FER1L5: variants seen among roughly 807,000 people sequenced by gnomAD.
FER1L5 encodes the protein fer-1-like protein 5.
Under a neutral mutation model 279.9 loss-of-function variants are expected in FER1L5, and 187 were observed. The observed-to-expected ratio is 0.67, with a 90% CI of 0.59 to 0.75. The LOEUF is 0.75. FER1L5 is among the 30% of genes least tolerant of loss of function. The pLI, the probability that FER1L5 is intolerant of heterozygous loss-of-function variation, is 0.00. For synonymous variants in FER1L5, 921 were observed against 989.7 expected, an observed-to-expected ratio of 0.93 and a Z score of 1.30; for missense variants, 2,091 against 2,594.4, an observed-to-expected ratio of 0.81 and a Z score of 4.21.
intron 5 of FER1L5, 146 bp from the exon 6 acceptor site, chr2:96,650,034 G>C: frequency 3.0e-6 from 2 of 665,136 alleles, no homozygotes; most frequent in Non-Finnish European, 2.7e-6. Context: ...TAATGTTCTG[G>C]GGAGGACATA....
rs2077175719 is a variant in FER1L5 at position 96,692,086 on chromosome 2, T to G, written c.3215-18T>G. ...GGGGTCCTGGGGCAGGTGACAGGCATGGCTTCTCTTTCCCCAGAGCCCCAC... is the reference window on the plus strand; with the variant it reads ...GGGGTCCTGGGGCAGGTGACAGGCAGGGCTTCTCTTTCCCCAGAGCCCCAC... On this transcript the variant is annotated intron_variant, in intron 30 of 52. Coordinates refer to ENST00000624922, the MANE Select transcript of FER1L5 (RefSeq NM_001293083.2). The G allele has an allele frequency of 6.4e-7, 1 of 1,550,524 alleles. No homozygotes were observed.
At chr2:96,659,290 T>TTTCCTTCCTTCCCTCCTTCC (rs2075735258) in intron 9 of FER1L5, among the ~76,000 whole-genome samples, 3 of 80,942 alleles carry the variant, frequency 3.7e-5, no homozygotes, top group Non-Finnish European at 8.1e-5. Context: ...TTTATCAAGC[T>TTTCCTTCCTTCCCTCCTTCC]TTCCTTCCTT....
At chr2:96,688,333 G>C (rs1386137983) in intron 24 of FER1L5, among the ~76,000 whole-genome samples, 1 of 152,170 alleles carries the variant, frequency 6.6e-6, no homozygotes, top group Non-Finnish European at 1.5e-5. Context: ...TGACTTGCAG[G>C]GGCCTCACCC....
At chr2:96,697,458 T>C in intron 37 of FER1L5, 68 bp from the exon 38 acceptor site, 3 of 1,561,716 alleles carry the variant, frequency 1.9e-6, no homozygotes, top group Non-Finnish European at 2.6e-6. Context: ...TCAACCCCCC[T>C]CTCCTCTCTG....
rs758949736 is a variant in FER1L5, at chr2:96,700,096, C to CA, written c.4930+17dup. 6.2e-7 allele frequency: 1 copy of CA among 1,613,446 alleles called. No individual in the cohort carries two copies. The highest frequency in any genetic ancestry group is 1.1e-5 in the South Asian group (1 of 90,994). ...CAAAGCTTTGGTGAGCAGCGCAGAA[C>CA]ACTAGCAGAAAGCACAGACACAGGC... On this transcript the variant is annotated intron_variant, in intron 44 of 52. Transcript: ENST00000624922.
Position 96,702,234 on chromosome 2 carries a change from C to T in FER1L5, c.5160-72C>T. Reference sequence around the variant, plus strand: ...AAAACACACAGGGCAGCCTCCCAGGCTTCTCTGCCCTCACTGAGGCTGCAG... The same window carrying T: ...AAAACACACAGGGCAGCCTCCCAGGTTTCTCTGCCCTCACTGAGGCTGCAG... On this transcript the variant is annotated intron_variant, in intron 46 of 52. Transcript: ENST00000624922. The surrounding 1 kb of genome is among the most constrained non-coding windows in gnomAD (Gnocchi z 4.0). 6.3e-7 allele frequency: 1 copy of T among 1,576,138 alleles called. No individual in the cohort carries two copies. Among genetic ancestry groups the T allele is most frequent in the Non-Finnish European group, 8.6e-7 (1 of 1,161,356 alleles).
At position 96,690,497 on chromosome 2, in the gene FER1L5, C is replaced by A; in HGVS notation, c.2651C>A (p.Pro884His). ...AIPNTDVNGQPMEARENVKCP... is the reference protein window; with the variant it reads ...AIPNTDVNGQHMEARENVKCP... ...TCTGTCCACCTGCAGAATGGACAGC[C>A]CATGGAGGCCCGGGAGAACGTGAAG... The change falls in exon 27 of 53, where the codon CCC becomes CAC. Residue 884 changes from proline to histidine, a missense_variant. By Grantham distance (77) the Pro-to-His change is moderately conservative. Coordinates refer to ENST00000624922, the MANE Select transcript of FER1L5 (RefSeq NM_001293083.2). 1 of 1,551,542 alleles carries A rather than the reference C, an allele frequency of 6.4e-7. No individual in the cohort carries two copies. The highest frequency in any genetic ancestry group is 8.7e-7 in the Non-Finnish European group (1 of 1,146,988).
intron 18 of FER1L5, among the ~76,000 whole-genome samples, chr2:96,672,038 C>T (rs1173071427): frequency 1.3e-5 from 2 of 151,936 alleles, no homozygotes; most frequent in Admixed American, 6.6e-5. Context: ...AGTTTGAGAC[C>T]AGCCTGGGTA....
chr2:96,700,347 CTG>C lies in FER1L5; in HGVS notation c.4948_4949del (p.Val1650SerfsTer23). The C allele has an allele frequency of 6.2e-7, 1 of 1,613,446 alleles. No homozygotes were observed. The highest frequency in any genetic ancestry group is 8.5e-7 in the Non-Finnish European group (1 of 1,179,872). On this transcript the variant is annotated frameshift_variant, in exon 45 of 53. Transcript: ENST00000624922. LOFTEE classifies it high-confidence loss of function. ...TCCAATCCAGAGCCCAAAACCCCTA[CTG>C]TTCATGGTTTGGGACCCAAGAAGGA... is the stretch of plus-strand genomic sequence containing the variant.
chr2:96,668,716 G>A (rs2106561803), intron 14 of FER1L5, 35 bp from the exon 15 acceptor site: 7 of 1,551,038 alleles, frequency 4.5e-6, no homozygotes, highest in Non-Finnish European at 6.1e-6. Flanking sequence ...CCATCCCAAT[G>A]TGTACCCACC....
chr2:96,661,773 G>T lies in FER1L5; in HGVS notation c.1000G>T (p.Ala334Ser), dbSNP rs867002330. ...MAYLQLFIYCAEDLHLKKHQS... is the reference protein window; with the variant it reads ...MAYLQLFIYCSEDLHLKKHQS... ...TTACTTACAGCTCTTCATCTACTGCGCAGAGGACCTTCACCTCAGTTAGAG... is the reference window on the plus strand; with the variant it reads ...TTACTTACAGCTCTTCATCTACTGCTCAGAGGACCTTCACCTCAGTTAGAG... Residue 334 changes from alanine (A) to serine (S), a missense_variant, in exon 12 of 53, where the codon GCA becomes TCA. By Grantham distance (99) the Ala-to-Ser change is moderately conservative. Transcript: ENST00000624922. 6.4e-7 allele frequency: 1 copy of T among 1,551,710 alleles called. No individual in the cohort carries two copies. Among genetic ancestry groups the T allele is most frequent in the African/African-American group, 1.4e-5 (1 of 73,172 alleles).
chr2:96,660,986 G>T (rs2075933081), intron 10 of FER1L5, among the ~76,000 whole-genome samples: 1 of 152,198 alleles, frequency 6.6e-6, no homozygotes, highest in African/African-American at 2.4e-5. Flanking sequence ...ATTAAAGTTT[G>T]AGAGGAAATT....
chr2:96,654,176 T>C (rs2075498817), intron 8 of FER1L5: 2 of 337,068 alleles, frequency 5.9e-6, no homozygotes, highest in Non-Finnish European at 1.1e-5. Context: ...TGGATAACGT[T>C]GAGTGCAACA....
At chr2:96,644,406 C>T (rs543735173) in intron 1 of FER1L5, among the ~76,000 whole-genome samples, 3 of 151,588 alleles carry the variant, frequency 2.0e-5, no homozygotes, top group Non-Finnish European at 4.4e-5. Context: ...GGCGTGAACC[C>T]GGGAGACGGA....
chr2:96,697,529 C>G lies in FER1L5; in HGVS notation c.4087C>G (p.Leu1363Val), dbSNP rs2077425751. ...TLSEKKHQDF[L>V]GYLYRKFWFK... Reference sequence around the variant, plus strand: ...TGCTCACCCTCTCCTTTTTCAGTTCCTAGGCTACCTCTACAGAAAGTTCTG... The same window carrying G: ...TGCTCACCCTCTCCTTTTTCAGTTCGTAGGCTACCTCTACAGAAAGTTCTG... The change falls in exon 38 of 53, where the codon CTA (leucine) becomes GTA (valine). Residue 1363 changes from leucine (L) to valine (V), a missense_variant. Coordinates refer to ENST00000624922, the MANE Select transcript of FER1L5 (RefSeq NM_001293083.2). The G allele has an allele frequency of 6.2e-7, 1 of 1,613,246 alleles. No homozygotes were observed. Among genetic ancestry groups the G allele is most frequent in the Admixed American group, 1.7e-5 (1 of 59,914 alleles).
At position 96,702,919 on chromosome 2, in the gene FER1L5, G is replaced by A. The variant is rs1301229376; in HGVS notation, c.5398-59G>A. 2 of 1,557,764 alleles carry A rather than the reference G, an allele frequency of 1.3e-6. No individual in the cohort carries two copies. Among genetic ancestry groups the A allele is most frequent in the Non-Finnish European group, 1.7e-6 (2 of 1,147,158 alleles). ...ACTGCTGGGTGGAGGGCCACTGAGG[G>A]GTGCAAGGGAAACGTCCAGGAGACA... On this transcript the variant is annotated intron_variant, in intron 48 of 52. Coordinates refer to ENST00000624922, the MANE Select transcript of FER1L5 (RefSeq NM_001293083.2). The surrounding 1 kb of genome is among the most constrained non-coding windows in gnomAD (Gnocchi z 4.0).
chr2:96,670,979 C>T (rs949196403), intron 18 of FER1L5, among the ~76,000 whole-genome samples: 3 of 150,954 alleles, frequency 2.0e-5, no homozygotes, highest in Non-Finnish European at 3.0e-5. Context: ...TGGTGGCTTG[C>T]GCCTGTAGTC....
intron 7 of FER1L5, chr2:96,653,405 T>TA: frequency 1.9e-6 from 1 of 524,098 alleles, no homozygotes; most frequent in South Asian, 2.4e-5. Flanking sequence ...AAACCCAGAA[T>TA]GCTCCAGTGA....
rs893887530 is a variant in FER1L5 at position 96,642,993 on chromosome 2, G to A, written c.85+72G>A. ...CAACATGGATTCAGTGAAAAAAGAG[G>A]TGTATGGCACCCCACTACATAAAAG... is the stretch of plus-strand genomic sequence containing the variant. On this transcript the variant is annotated intron_variant, in intron 1 of 52. Coordinates refer to ENST00000624922, the MANE Select transcript of FER1L5 (RefSeq NM_001293083.2). 2.3e-5 allele frequency: 31 copies of A among 1,324,708 alleles called. No individual in the cohort carries two copies. The African/African-American group carries it at 4.0e-4, about 17-fold the overall frequency. The allele number at this position is 1,324,708 out of a possible 1,614,324, so 82.1% of individuals were successfully genotyped here.
Sources: allele counts gnomAD v4.1 joint callset (sites outside exome capture counted in the v4.1 genomes callset), GRCh38; gene constraint gnomAD v4.1.1; non-coding constraint Gnocchi (gnomAD v3.1); transcripts MANE v1.5; gene names NCBI Gene and HGNC (gene_info 2026-07-23, HGNC 2026-07-21).